Variants in ZNF385D observed in about 807,000 individuals in gnomAD.
ZNF385D encodes zinc finger protein 385D.
In ZNF385D, 15 loss-of-function variants were observed where a neutral mutation model predicts 35.8. The observed-to-expected ratio is 0.42, with a 90% CI of 0.28 to 0.64. The LOEUF (loss-of-function observed/expected upper bound fraction) is 0.64. Ranked by LOEUF, ZNF385D falls within the 30% of genes least tolerant of loss-of-function variation. The pLI is 0.23. For synonymous variants in ZNF385D, 212 were observed against 186.8 expected (o/e 1.13, Z -1.10); for missense variants, 474 against 494.6 (o/e 0.96, Z 0.39).
chr3:21,972,508 T>C (rs987059673), intron 3 of ZNF385D, among the ~76,000 whole-genome samples: 12 of 151,838 alleles, frequency 7.9e-5, no homozygotes, highest in Non-Finnish European at 1.5e-4. Context: ...AAACAACCTA[T>C]TGGTGTATTT....
intron 2 of ZNF385D, among the ~76,000 whole-genome samples, chr3:22,321,846 C>A (rs1694451616): frequency 6.6e-6 from 1 of 151,966 alleles, no homozygotes; most frequent in Non-Finnish European, 1.5e-5. Flanking sequence ...CTTTTCTGTT[C>A]TTTGAATCTT....
chr3:21,801,860 T>A (rs1234088802), intron 3 of ZNF385D, among the ~76,000 whole-genome samples: 1 of 152,164 alleles, frequency 6.6e-6, no homozygotes, highest in African/African-American at 2.4e-5. Flanking sequence ...TCTGTCTGTG[T>A]AATACCATCT....
At chr3:21,759,664 T>C (rs1436766903) in intron 3 of ZNF385D, among the ~76,000 whole-genome samples, 1 of 152,172 alleles carries the variant, frequency 6.6e-6, no homozygotes, top group Admixed American at 6.5e-5. Context: ...ATAAAATTCA[T>C]TTATGGTTCC....
At chr3:21,973,216 T>C (rs1703376618) in intron 3 of ZNF385D, among the ~76,000 whole-genome samples, 1 of 151,894 alleles carries the variant, frequency 6.6e-6, no homozygotes, top group African/African-American at 2.4e-5. Flanking sequence ...AAATCATTCA[T>C]CATGACCAAG....
intron 2 of ZNF385D, among the ~76,000 whole-genome samples, chr3:22,303,969 G>A (rs1001090488): frequency 3.9e-5 from 6 of 152,084 alleles, no homozygotes; most frequent in African/African-American, 1.4e-4. Flanking sequence ...GTAGAGACAG[G>A]GTTTCACCAT....
chr3:22,034,230 T>C (rs1698182535), intron 3 of ZNF385D, among the ~76,000 whole-genome samples: 1 of 152,134 alleles, frequency 6.6e-6, no homozygotes, highest in Admixed American at 6.6e-5. Flanking sequence ...TTCTCGTGAA[T>C]GAAATTAGTG....
intron 3 of ZNF385D, among the ~76,000 whole-genome samples, chr3:21,550,317 A>G (rs915451938): frequency 3.3e-5 from 5 of 152,138 alleles, no homozygotes; most frequent in African/African-American, 1.2e-4. Flanking sequence ...TTAATTATCT[A>G]ATTTGGTCAC....
chr3:22,152,188 T>C (rs1490081854), intron 3 of ZNF385D, among the ~76,000 whole-genome samples: 8 of 152,138 alleles, frequency 5.3e-5, no homozygotes, highest in Admixed American at 3.9e-4. Context: ...ATGATCTCGT[T>C]CTTTTTTATG....
intron 3 of ZNF385D, among the ~76,000 whole-genome samples, chr3:21,536,434 T>C (rs919466490): frequency 6.6e-6 from 1 of 152,130 alleles, no homozygotes; most frequent in Non-Finnish European, 1.5e-5. Context: ...TCATGGTGTG[T>C]AGGCTTCTAT....
intron 3 of ZNF385D, among the ~76,000 whole-genome samples, chr3:21,818,634 A>G (rs1468499779): frequency 6.6e-6 from 1 of 152,096 alleles, no homozygotes; most frequent in African/African-American, 2.4e-5. Flanking sequence ...GGAAATGAGA[A>G]AGGGTAATAA....
chr3:21,929,062 G>C (rs1344811239), intron 3 of ZNF385D, among the ~76,000 whole-genome samples: 1 of 152,010 alleles, frequency 6.6e-6, no homozygotes, highest in African/African-American at 2.4e-5. Context: ...CATAAATATA[G>C]ATGCAAGATC....
intron 3 of ZNF385D, among the ~76,000 whole-genome samples, chr3:21,980,302 GAAC>G (rs1694356921): frequency 6.6e-6 from 1 of 152,106 alleles, no homozygotes; most frequent in Non-Finnish European, 1.5e-5. Context: ...CCGTGAACTA[GAAC>G]AACTCAGCTA....
At chr3:22,311,948 G>A (rs1559512954) in intron 2 of ZNF385D, among the ~76,000 whole-genome samples, 2 of 152,204 alleles carry the variant, frequency 1.3e-5, no homozygotes, top group East Asian at 3.9e-4. Context: ...GCTACACAAA[G>A]TAGCCTCAGT....
At chr3:21,691,400 C>T (rs934192904) in intron 1 of ZNF385D, among the ~76,000 whole-genome samples, 9 of 152,022 alleles carry the variant, frequency 5.9e-5, no homozygotes, top group Admixed American at 6.6e-5. Flanking sequence ...TTCCCCATGC[C>T]CCTAACCTCA....
intron 3 of ZNF385D, among the ~76,000 whole-genome samples, chr3:21,787,962 AAAAAAAAAAAAAAAAAAAAAGAG>A (rs1310059162): frequency 1.3e-4 from 8 of 62,618 alleles, no homozygotes; most frequent in Non-Finnish European, 3.2e-4. Context: ...AAAAAAAAAA[AAAAAAAAAAAAAAAAAAAAAGAG>A]AGAGAGAGAG....
intron 3 of ZNF385D, among the ~76,000 whole-genome samples, chr3:21,854,698 C>G (rs776374386): frequency 1.3e-5 from 2 of 151,812 alleles, no homozygotes; most frequent in Non-Finnish European, 2.9e-5. Context: ...TACCTTTAAT[C>G]CTGACTATGG....
intron 2 of ZNF385D, among the ~76,000 whole-genome samples, chr3:21,574,017 G>A (rs1194161768): frequency 2.9e-5 from 4 of 140,304 alleles, no homozygotes; most frequent in Middle Eastern, 4.2e-3. Context: ...CTGAGATGAC[G>A]CCACTGCACT....
intron 3 of ZNF385D, among the ~76,000 whole-genome samples, chr3:21,759,916 C>A (rs1485377402): frequency 6.6e-6 from 1 of 152,140 alleles, no homozygotes; most frequent in Non-Finnish European, 1.5e-5. Context: ...GACAGTGCAA[C>A]TGAGCCCCAA....
intron 3 of ZNF385D, among the ~76,000 whole-genome samples, chr3:22,116,757 C>CCTAG (rs1430189428): frequency 2.0e-5 from 3 of 151,962 alleles, no homozygotes; most frequent in African/African-American, 7.2e-5. Context: ...TTCCACAAAG[C>CCTAG]CTAGCATATA....
Sources: gnomAD v4.1 joint callset for allele counts (sites outside exome capture counted in the v4.1 genomes callset) on GRCh38, gnomAD v4.1.1 for gene constraint, MANE v1.5 for transcripts, NCBI Gene and HGNC (gene_info 2026-07-23, HGNC 2026-07-21) for gene names.